Variants in MAPK10 observed in about 807,000 individuals in gnomAD.
The protein encoded by MAPK10 is JNK3 alpha protein kinase.
A neutral mutation model predicts 59.3 loss-of-function variants in MAPK10; 25 were observed. The observed-to-expected ratio is 0.42, with a 90% confidence interval of 0.31 to 0.59. MAPK10 has a LOEUF of 0.59. Among genes scored for constraint, MAPK10 ranks in the 20% least tolerant of loss-of-function variants. The pLI, the probability that MAPK10 is intolerant of heterozygous loss-of-function variation, is 0.15. For synonymous variants in MAPK10, 190 were observed against 200.5 expected, an observed-to-expected ratio of 0.95 and a Z score of 0.44; for missense variants, 351 against 568.9, an observed-to-expected ratio of 0.62 and a Z score of 3.90.
At chr4:86,192,842 G>A (rs991357133) in intron 3 of MAPK10, 6 of 151,980 alleles carry the variant, frequency 3.9e-5, no homozygotes, top group African/African-American at 1.4e-4. Context: ...ATCCTTTGGA[G>A]GAGAAGAGGC....
intron 3 of MAPK10, chr4:86,176,014 A>G (rs2075614563): frequency 6.6e-6 from 1 of 152,212 alleles, no homozygotes; most frequent in Non-Finnish European, 1.5e-5. Context: ...GAGGAATTGA[A>G]TGATACACTC....
intron 1 of MAPK10, among the ~76,000 whole-genome samples, chr4:86,461,128 CTTTT>C (rs34130284): frequency 6.8e-6 from 1 of 146,852 alleles, no homozygotes; most frequent in African/African-American, 2.5e-5. Context: ...CCTGAGTACT[CTTTT>C]TTTTTTTTGA....
At chr4:86,396,367 C>T (rs1237011932) in intron 1 of MAPK10, among the ~76,000 whole-genome samples, 1 of 152,234 alleles carries the variant, frequency 6.6e-6, no homozygotes, top group South Asian at 2.1e-4. Flanking sequence ...AAGAAAGTAG[C>T]GTTTCCAACA....
intron 2 of MAPK10, among the ~76,000 whole-genome samples, chr4:86,214,853 G>A (rs1325183176): frequency 6.6e-6 from 1 of 152,100 alleles, no homozygotes; most frequent in Admixed American, 6.5e-5. Flanking sequence ...AAAGCTATAT[G>A]CAAACTCAAT....
chr4:86,516,398 A>T (rs904454119), intron 1 of MAPK10, among the ~76,000 whole-genome samples: 3 of 151,618 alleles, frequency 2.0e-5, no homozygotes, highest in Non-Finnish European at 4.4e-5. Flanking sequence ...TTTTAGGATT[A>T]TTTTTTTCTG....
At chr4:86,309,692 T>C (rs1265216079) in intron 2 of MAPK10, among the ~76,000 whole-genome samples, 1 of 152,138 alleles carries the variant, frequency 6.6e-6, no homozygotes, top group Non-Finnish European at 1.5e-5. Flanking sequence ...TCTCTCTTCC[T>C]CAGTGACAAT....
At chr4:86,555,707 A>C (rs949312207) in intron 1 of MAPK10, among the ~76,000 whole-genome samples, 4 of 152,202 alleles carry the variant, frequency 2.6e-5, no homozygotes, top group Admixed American at 6.5e-5. Context: ...TTATTTAAAT[A>C]AATATAATGA....
At chr4:86,312,802 C>T (rs1035100882) in intron 2 of MAPK10, among the ~76,000 whole-genome samples, 16 of 152,052 alleles carry the variant, frequency 1.1e-4, no homozygotes, top group African/African-American at 3.9e-4. Context: ...CAGTCTTACA[C>T]TTAAAAACTT....
At chr4:86,536,750 T>TA (rs1345255687) in intron 1 of MAPK10, among the ~76,000 whole-genome samples, 1 of 152,256 alleles carries the variant, frequency 6.6e-6, no homozygotes, top group East Asian at 1.9e-4. Flanking sequence ...TGATTTGATA[T>TA]AAGTAAAATT....
intron 1 of MAPK10, among the ~76,000 whole-genome samples, chr4:86,448,225 G>T (rs1002483846): frequency 2.0e-5 from 3 of 151,876 alleles, no homozygotes; most frequent in African/African-American, 7.3e-5. Context: ...TAATATACTA[G>T]TACCACACTT....
chr4:86,230,141 A>T (rs2091330986), intron 2 of MAPK10, among the ~76,000 whole-genome samples: 1 of 152,236 alleles, frequency 6.6e-6, no homozygotes, highest in African/African-American at 2.4e-5. Flanking sequence ...TGCCTTAGAA[A>T]AAAAGGTACT....
chr4:86,448,402 T>G (rs111884926), intron 1 of MAPK10, among the ~76,000 whole-genome samples: 45 of 59,954 alleles, frequency 7.5e-4, no homozygotes, highest in African/African-American at 2.4e-3. Flanking sequence ...GAATTCTGGG[T>G]TTTTTTTTTT....
chr4:86,539,259 A>G (rs1758489003), intron 1 of MAPK10, among the ~76,000 whole-genome samples: 1 of 152,218 alleles, frequency 6.6e-6, no homozygotes, highest in Admixed American at 6.5e-5. Context: ...AAAGATAAAG[A>G]AAAAAATCTG....
intron 1 of MAPK10, among the ~76,000 whole-genome samples, chr4:86,400,419 C>CTCTCTCTT (rs1270428243): frequency 2.0e-5 from 3 of 151,936 alleles, no homozygotes; most frequent in Non-Finnish European, 4.4e-5. Context: ...TCTGGTTCCT[C>CTCTCTCTT]TCTCTCTTTC....
At chr4:86,057,709 C>G (rs961019884) in intron 11 of MAPK10, among the ~76,000 whole-genome samples, 3 of 148,922 alleles carry the variant, frequency 2.0e-5, no homozygotes, top group Admixed American at 1.3e-4. Context: ...TGAATAAATA[C>G]TAAACTGTTA....
chr4:86,284,686 C>A (rs759323135), intron 2 of MAPK10, among the ~76,000 whole-genome samples: 1 of 152,164 alleles, frequency 6.6e-6, no homozygotes, highest in Non-Finnish European at 1.5e-5. Context: ...AATGATGATG[C>A]TAATGATTGT....
chr4:86,377,834 G>T (rs978427758), intron 1 of MAPK10, among the ~76,000 whole-genome samples: 1 of 152,076 alleles, frequency 6.6e-6, no homozygotes, highest in African/African-American at 2.4e-5. Context: ...CTTGGAGTCC[G>T]ATGTTCGAGG....
intron 1 of MAPK10, among the ~76,000 whole-genome samples, chr4:86,459,500 C>T (rs1194760463): frequency 6.6e-6 from 1 of 152,132 alleles, no homozygotes; most frequent in Admixed American, 6.5e-5. Flanking sequence ...GGAACCAACC[C>T]AAATGCCCAT....
chr4:86,477,919 G>A (rs914957981), intron 1 of MAPK10, among the ~76,000 whole-genome samples: 2 of 152,042 alleles, frequency 1.3e-5, no homozygotes, highest in African/African-American at 4.8e-5. Flanking sequence ...CACCCATCAG[G>A]CTCAGCAAAT....
Sources: gnomAD v4.1 joint callset for allele counts (sites outside exome capture counted in the v4.1 genomes callset) on GRCh38, gnomAD v4.1.1 for gene constraint, MANE v1.5 for transcripts, NCBI Gene and HGNC (gene_info 2026-07-23, HGNC 2026-07-21) for gene names.